ZNF324B: variants seen among roughly 807,000 people sequenced by gnomAD.
The protein encoded by ZNF324B is zinc finger protein 324B.
Under a neutral mutation model 10.6 loss-of-function variants are expected in ZNF324B, and 7 were observed. The observed-to-expected ratio is 0.66, with a 90% CI of 0.38 to 1.24. The LOEUF (loss-of-function observed/expected upper bound fraction) is 1.24, where lower values mean the gene tolerates loss of function less well. Ranked by LOEUF, ZNF324B falls within the 50% of genes most tolerant of loss-of-function variation. The pLI is 0.02. For synonymous variants in ZNF324B, 316 were observed against 321.0 expected (o/e 0.98, Z 0.17); for missense variants, 640 against 764.7 (o/e 0.84, Z 1.92).
rs769196201 is a variant in ZNF324B, at chr19:58,455,266, A to G, written c.322A>G (p.Ser108Gly). ...AGATACCCCACCTGGGATGACTACT[A>G]GCGTCTTCCCAGTTGCCGATGCCTG... ...FPDTPPGMTT[S>G]VFPVADACHS... Residue 108 changes from serine to glycine, a missense_variant, in exon 4 of 4, where the codon AGC (serine) becomes GGC (glycine). Transcript: ENST00000336614. This position sits in a 1 kb window ranked among gnomAD's most constrained non-coding sequence, Gnocchi z 7.0. The G allele has an allele frequency of 1.9e-6, 3 of 1,614,178 alleles. No homozygotes were observed. The highest frequency in any genetic ancestry group is 2.2e-5 in the South Asian group (2 of 91,084).
the ZNF324B span, chr19:58,441,979 C>T: frequency 6.6e-6 from 1 of 152,280 alleles, no homozygotes. Context: ...TGTGTCTCCT[C>T]TTTCCCCTAC....
the ZNF324B span, chr19:58,433,677 A>G: frequency 5.6e-6 from 9 of 1,613,934 alleles, 1 homozygote; most frequent in South Asian, 6.6e-5. Flanking sequence ...GAACTTTCTG[A>G]TGCTTAATGA....
At chr19:58,427,452 C>T in the ZNF324B span, among the ~76,000 whole-genome samples, 59 of 47,064 alleles carry the variant, frequency 1.3e-3, 1 homozygote, top group Middle Eastern at 7.7e-3. Flanking sequence ...CCTTTCCTTT[C>T]CCTTCCTTCC....
At chr19:58,434,773 C>T in the ZNF324B span, 1 of 1,614,160 alleles carries the variant, frequency 6.2e-7, no homozygotes, top group Non-Finnish European at 8.5e-7. Flanking sequence ...TGGAAGCTGC[C>T]CAAGATTGGA....
At chr19:58,431,842 A>C in the ZNF324B span, among the ~76,000 whole-genome samples, 2 of 152,158 alleles carry the variant, frequency 1.3e-5, no homozygotes, top group Non-Finnish European at 2.9e-5. Flanking sequence ...ATACAAAAAA[A>C]TTAGCTGGGT....
chr19:58,447,674 A>G (rs115971703), upstream of ZNF324B, among the ~76,000 whole-genome samples: 5,830 of 152,212 alleles, frequency 0.038, 362 homozygotes, highest in African/African-American at 0.13. Context: ...TTCGAGACCA[A>G]CCTGAGAAAC....
chr19:58,437,607 G>T, the ZNF324B span: 1 of 806,738 alleles, frequency 1.2e-6, no homozygotes, highest in Non-Finnish European at 1.5e-6. Context: ...GGGCCCAATG[G>T]TTCACATTCT....
At chr19:58,427,145 T>C in the ZNF324B span, among the ~76,000 whole-genome samples, 1 of 152,026 alleles carries the variant, frequency 6.6e-6, no homozygotes. Context: ...TTATTATTTT[T>C]TTGAGACGGA....
intron 1 of ZNF324B, chr19:58,452,609 G>T (rs1206346096): frequency 1.5e-6 from 1 of 648,344 alleles, no homozygotes; most frequent in Non-Finnish European, 1.9e-6. Context: ...AGATAGAAAG[G>T]AGAATTGAAA....
At chr19:58,433,303 C>G in the ZNF324B span, 2 of 1,588,382 alleles carry the variant, frequency 1.3e-6, no homozygotes, top group Non-Finnish European at 1.7e-6. Context: ...CTCACAAAGA[C>G]CACTTCCATA....
the ZNF324B span, among the ~76,000 whole-genome samples, chr19:58,427,498 CTTT>C: frequency 4.6e-5 from 4 of 86,558 alleles, no homozygotes; most frequent in East Asian, 6.6e-4. Context: ...TCCTTCCTTT[CTTT>C]CTTTTTCTTT....
At chr19:58,433,067 C>T in the ZNF324B span, 2 of 525,382 alleles carry the variant, frequency 3.8e-6, no homozygotes, top group Non-Finnish European at 6.7e-6. Flanking sequence ...GTACTGTTTT[C>T]CCCATGCATG....
chr19:58,427,004 A>G, the ZNF324B span, among the ~76,000 whole-genome samples: 18 of 152,318 alleles, frequency 1.2e-4, no homozygotes, highest in South Asian at 1.0e-3. Context: ...GCAAACATCT[A>G]TCTTCCCCTA....
At chr19:58,445,285 A>T in the ZNF324B span, 1 of 421,640 alleles carries the variant, frequency 2.4e-6, no homozygotes, top group South Asian at 1.8e-5. Flanking sequence ...AATCCTATTT[A>T]GCACCAGCAA....
chr19:58,437,621 A>C, the ZNF324B span: 1 of 855,790 alleles, frequency 1.2e-6, no homozygotes, highest in Admixed American at 6.2e-5. Flanking sequence ...ACATTCTCTC[A>C]CCTTTACATG....
rs1402992794 is a variant in ZNF324B at position 58,454,228 on chromosome 19, G to A, written c.122G>A (p.Gly41Glu). 1.9e-6 allele frequency: 3 copies of A among 1,611,694 alleles called. No individual in the cohort carries two copies. Among genetic ancestry groups the A allele is most frequent in the Non-Finnish European group, 2.5e-6 (3 of 1,177,972 alleles). ...LENFTLVTSL[G>E]LSTSRPRVVI... ...GGCTCTCACCTGCTCCTCCTCACAG[G>A]ACTCTCTACCTCCCGACCTCGTGTG... is the stretch of plus-strand genomic sequence containing the variant. Residue 41 changes from glycine (G) to glutamate (E), a missense_variant and splice_region_variant, in exon 3 of 4, where the codon GGA becomes GAA. Physicochemically the swap from Gly to Glu is moderately conservative, Grantham distance 98 (BLOSUM62 -2). This residue lies in a region of ZNF324B where 345 missense variants were observed against 387.9 expected (regional missense o/e 0.89). Transcript: ENST00000336614.
the ZNF324B span, chr19:58,429,065 C>T: frequency 6.6e-6 from 1 of 152,218 alleles, no homozygotes; most frequent in African/African-American, 2.4e-5. Context: ...AAGATTCAGT[C>T]CAAGCCTGTC....
chr19:58,442,230 G>A, the ZNF324B span: 4 of 138,834 alleles, frequency 2.9e-5, no homozygotes, highest in Admixed American at 7.3e-5. Flanking sequence ...CTGCAGTGGC[G>A]CAATCTCGGC....
chr19:58,455,077 A>C lies in ZNF324B; in HGVS notation c.239-106A>C, dbSNP rs2122359064. 6.7e-7 allele frequency: 1 copy of C among 1,484,076 alleles called. No individual in the cohort carries two copies. The highest frequency in any genetic ancestry group is 2.3e-5 in the East Asian group (1 of 44,246). 91.9% of individuals were successfully genotyped at this position (1,484,076 alleles called of 1,614,324 possible). A position where few individuals can be genotyped will look rare whatever the true frequency, so the allele number is the denominator to read the frequency against. On this transcript the variant is annotated intron_variant, in intron 3 of 3. Coordinates refer to ENST00000336614, the MANE Select transcript of ZNF324B (RefSeq NM_207395.3). This position sits in a 1 kb window ranked among gnomAD's most constrained non-coding sequence, Gnocchi z 7.0. ...CCAGCCTCACCTCTTCTTTTTCCCT[A>C]AGCTTTTGTCCCGGCTCCTGGGCTC...
Sources: gnomAD v4.1 joint callset for allele counts (sites outside exome capture counted in the v4.1 genomes callset) on GRCh38, gnomAD v4.1.1 for gene constraint, gnomAD v4.1.1 regional missense constraint, Gnocchi (gnomAD v3.1) non-coding constraint, MANE v1.5 for transcripts, NCBI Gene and HGNC (gene_info 2026-07-23, HGNC 2026-07-21) for gene names.